GLIPR2: variants seen among roughly 807,000 people sequenced by gnomAD.
GLIPR2 encodes GLI pathogenesis related 2, also known as Golgi-associated plant pathogenesis-related protein 1.
GLIPR2 carries 21 observed loss-of-function variants against 20.4 expected under a neutral mutation model. The ratio of observed to expected loss-of-function variants is 1.03; its 90% CI spans 0.73 to 1.48. GLIPR2 has a LOEUF of 1.48. Among genes scored for constraint, GLIPR2 ranks in the 40% most tolerant of loss-of-function variants. GLIPR2 has a pLI of 0.00. For synonymous variants in GLIPR2, 91 were observed against 80.5 expected, an observed-to-expected ratio of 1.13 and a Z score of -0.70; for missense variants, 205 against 200.1, an observed-to-expected ratio of 1.02 and a Z score of -0.15.
At chr9:36,153,952 T>G (rs543206065) in intron 4 of GLIPR2, among the ~76,000 whole-genome samples, 1 of 151,136 alleles carries the variant, frequency 6.6e-6, no homozygotes, top group South Asian at 2.1e-4. Context: ...CTGTAATCCA[T>G]CCCCACCCCC....
chr9:36,150,773 T>C, intron 3 of GLIPR2, 99 bp from the exon 4 acceptor site: 1 of 799,028 alleles, frequency 1.3e-6, no homozygotes, highest in Non-Finnish European at 2.1e-6. Flanking sequence ...GATGTCTAAT[T>C]GCCGCATTGG....
At chr9:36,151,921 C>T (rs923669932) in intron 4 of GLIPR2, among the ~76,000 whole-genome samples, 1 of 152,124 alleles carries the variant, frequency 6.6e-6, no homozygotes, top group African/African-American at 2.4e-5. Flanking sequence ...ACTCTCTGCC[C>T]ACCTCGTTCC....
intron 4 of GLIPR2, among the ~76,000 whole-genome samples, chr9:36,161,686 A>G (rs908982301): frequency 6.6e-6 from 1 of 152,122 alleles, no homozygotes; most frequent in Admixed American, 6.6e-5. Context: ...AGTGTTCCTC[A>G]GGTGTCAAGT....
rs1382072015 is a variant in GLIPR2, at chr9:36,162,906, T to A, written c.*384T>A. ...ATGCTGAGAAGTGAAGTTCATTTTA[T>A]GTGATCTTCATGCGTCGTAATCTAC... On this transcript the variant is annotated 3_prime_UTR_variant, in exon 5 of 5. Transcript: ENST00000377960. 3 of 461,130 alleles carry A rather than the reference T, an allele frequency of 6.5e-6. No individual in the cohort carries two copies. The East Asian group carries it at 2.0e-4, about 31-fold the overall frequency. 28.6% of individuals were successfully genotyped at this position (461,130 alleles called of 1,614,324 possible).
intron 1 of GLIPR2, among the ~76,000 whole-genome samples, 189 bp from the exon 2 acceptor site, chr9:36,147,597 G>A (rs536132149): frequency 2.5e-4 from 38 of 152,358 alleles, no homozygotes; most frequent in African/African-American, 8.2e-4. Context: ...GATGTGGAGC[G>A]CGATGCCAGG....
intron 1 of GLIPR2, chr9:36,144,159 A>ACCC (rs551110746): frequency 2.0e-5 from 3 of 151,764 alleles, no homozygotes; most frequent in Non-Finnish European, 4.4e-5. Flanking sequence ...GGTCAACGAG[A>ACCC]CCCCCATCTG....
intron 4 of GLIPR2, among the ~76,000 whole-genome samples, chr9:36,161,767 A>G (rs1416612028): frequency 2.0e-5 from 3 of 152,214 alleles, no homozygotes; most frequent in Non-Finnish European, 4.4e-5. Context: ...AGACACAGGC[A>G]GTAGGCAGTA....
rs1824835146 is a variant in GLIPR2 at position 36,136,773 on chromosome 9, C to T, written c.-6C>T. On this transcript the variant is annotated 5_prime_UTR_variant, in exon 1 of 5. Coordinates refer to ENST00000377960, the MANE Select transcript of GLIPR2 (RefSeq NM_022343.4). This position sits in a 1 kb window ranked among gnomAD's most constrained non-coding sequence, Gnocchi z 4.3. ...CGCGGGGAGCGAGGAGCGCGCGGAG[C>T]CGGCCATGGGCAAGTCAGGTGAGCC... 7.7e-7 allele frequency: 1 copy of T among 1,295,754 alleles called. No individual in the cohort carries two copies. The highest frequency in any genetic ancestry group is 4.0e-5 in the Admixed American group (1 of 25,144). 80.3% of individuals were successfully genotyped at this position (1,295,754 alleles called of 1,614,324 possible).
chr9:36,153,771 C>T (rs972132241), intron 4 of GLIPR2, among the ~76,000 whole-genome samples: 3 of 151,758 alleles, frequency 2.0e-5, no homozygotes, highest in South Asian at 2.1e-4. Flanking sequence ...TGTGGTGATG[C>T]GTGCCTGTAA....
intron 4 of GLIPR2, among the ~76,000 whole-genome samples, chr9:36,154,293 C>T (rs1304952315): frequency 6.6e-6 from 1 of 151,956 alleles, no homozygotes; most frequent in Non-Finnish European, 1.5e-5. Context: ...CAGCCCTGAC[C>T]CCTAGCACTT....
chr9:36,136,799 CG>C lies in GLIPR2; in HGVS notation c.13+9del. ...CGGCCATGGGCAAGTCAGGTGAGCC[CG>C]CGGGCTCGCCCGCTGCGGAATGGTT... is the stretch of plus-strand genomic sequence containing the variant. On this transcript the variant is annotated intron_variant, in intron 1 of 4. Transcript: ENST00000377960. This position sits in a 1 kb window ranked among gnomAD's most constrained non-coding sequence, Gnocchi z 4.3. The C allele has an allele frequency of 7.7e-7, 1 of 1,300,188 alleles. No individual in the cohort carries two copies. The highest frequency in any genetic ancestry group is 2.3e-5 in the South Asian group (1 of 43,138). The allele number at this position is 1,300,188 out of a possible 1,614,324, so 80.5% of individuals were successfully genotyped here.
At position 36,146,606 on chromosome 9, in the gene GLIPR2, T is replaced by C. The variant is rs527701812; in HGVS notation, c.14-1180T>C. Among the ~76,000 whole-genome samples the C allele has an allele frequency of 5.9e-5, 9 of 152,282 alleles. No individual in the cohort carries two copies. In the South Asian group the frequency reaches 1.0e-3, roughly 18 times the overall value. Reference sequence around the variant, plus strand: ...AAGAAGTTATCTATTCCAAAATACATTGGTGGGACAGGCATAGGATAGATA... The same window carrying C: ...AAGAAGTTATCTATTCCAAAATACACTGGTGGGACAGGCATAGGATAGATA... On this transcript the variant is annotated intron_variant, in intron 1 of 4. Transcript: ENST00000377960.
intron 4 of GLIPR2, among the ~76,000 whole-genome samples, chr9:36,161,517 GGC>G (rs1467336105): frequency 1.3e-5 from 2 of 151,776 alleles, no homozygotes; most frequent in Non-Finnish European, 2.9e-5. Flanking sequence ...AAAAAAAAAG[GGC>G]CCAGGATTGA....
intron 4 of GLIPR2, among the ~76,000 whole-genome samples, chr9:36,156,239 A>C (rs1825822039): frequency 6.6e-6 from 1 of 151,636 alleles, no homozygotes. Flanking sequence ...AAATTAAAAA[A>C]CTAGCTGGGT....
At chr9:36,150,020 C>T (rs1193037959) in intron 3 of GLIPR2, among the ~76,000 whole-genome samples, 2 of 152,178 alleles carry the variant, frequency 1.3e-5, no homozygotes, top group Non-Finnish European at 2.9e-5. Context: ...AAGAGCGAAA[C>T]TCCGTCTCAG....
At chr9:36,147,721 G>A (rs1036035216) in intron 1 of GLIPR2, 65 bp from the exon 2 acceptor site, 7 of 808,518 alleles carry the variant, frequency 8.7e-6, no homozygotes, top group Middle Eastern at 4.5e-4. Flanking sequence ...CTTTCAGCAT[G>A]CCATTATACT....
chr9:36,146,593 A>C (rs1184325821), intron 1 of GLIPR2, among the ~76,000 whole-genome samples: 4 of 152,248 alleles, frequency 2.6e-5, no homozygotes, highest in Non-Finnish European at 5.9e-5. Context: ...GAAGTTATCT[A>C]TTCCAAAATA....
At chr9:36,151,131 C>A in intron 4 of GLIPR2, 182 bp downstream of exon 4, 1 of 602,376 alleles carries the variant, frequency 1.7e-6, no homozygotes, top group Non-Finnish European at 3.0e-6. Flanking sequence ...ATTACATCCC[C>A]AGCTTCCCCA....
intron 1 of GLIPR2, chr9:36,144,447 T>G (rs574947638): frequency 6.6e-6 from 1 of 152,326 alleles, no homozygotes; most frequent in East Asian, 1.9e-4. Context: ...ACCTCTGCCT[T>G]TTCTCCTCTC....
Sources: allele counts gnomAD v4.1 joint callset (sites outside exome capture counted in the v4.1 genomes callset), GRCh38; gene constraint gnomAD v4.1.1; non-coding constraint Gnocchi (gnomAD v3.1); transcripts MANE v1.5; gene names NCBI Gene and HGNC (gene_info 2026-07-23, HGNC 2026-07-21).